PAQR8: variants seen among roughly 807,000 people sequenced by gnomAD.
The protein encoded by PAQR8 is membrane progestin receptor beta.
A neutral mutation model predicts 25.2 loss-of-function variants in PAQR8; 17 were observed. The observed-to-expected ratio is 0.67, with a 90% CI of 0.46 to 1.01. The LOEUF is 1.01. PAQR8 is among the 50% of genes least tolerant of loss of function. The pLI, the probability that PAQR8 is intolerant of heterozygous loss-of-function variation, is 0.00. For synonymous variants in PAQR8, 204 were observed against 190.6 expected (o/e 1.07, Z -0.58); for missense variants, 392 against 448.4 (o/e 0.87, Z 1.14).
chr6:52,403,730 G>T lies in PAQR8; in HGVS notation c.517G>T (p.Asp173Tyr). The T allele has an allele frequency of 1.2e-6, 2 of 1,614,240 alleles. No homozygotes were observed. The highest frequency in any genetic ancestry group is 1.7e-6 in the Non-Finnish European group (2 of 1,180,038). The change falls in exon 2 of 2, where the codon GAC (aspartate) becomes TAC (tyrosine). Residue 173 changes from aspartate to tyrosine, a missense_variant. Transcript: ENST00000442253. ...FFYSSDQAWY[D>Y]RFWLFFLPAA... ...CTACAGCTCTGACCAGGCCTGGTAT[G>T]ACCGGTTCTGGCTTTTCTTCTTGCC...
intron 1 of PAQR8, among the ~76,000 whole-genome samples, chr6:52,366,449 C>T (rs1256669367): frequency 1.3e-5 from 2 of 152,206 alleles, no homozygotes; most frequent in Non-Finnish European, 2.9e-5. Flanking sequence ...GATTTTACTA[C>T]ATGATATTTT....
At chr6:52,363,675 C>T (rs1397939569) in intron 1 of PAQR8, among the ~76,000 whole-genome samples, 1 of 152,150 alleles carries the variant, frequency 6.6e-6, no homozygotes, top group African/African-American at 2.4e-5. Flanking sequence ...AGTGAAGACT[C>T]CTGTTACTGA....
intron 1 of PAQR8, among the ~76,000 whole-genome samples, chr6:52,384,997 A>G (rs1043034149): frequency 6.6e-6 from 1 of 152,236 alleles, no homozygotes; most frequent in South Asian, 2.1e-4. Flanking sequence ...ACCTATCACC[A>G]TATACAAAAA....
chr6:52,374,487 C>T (rs1273849540), intron 1 of PAQR8, among the ~76,000 whole-genome samples: 2 of 152,114 alleles, frequency 1.3e-5, no homozygotes, highest in African/African-American at 4.8e-5. Flanking sequence ...AATCATAGCT[C>T]ACTGTGACCT....
chr6:52,383,030 C>G (rs1306999595), intron 1 of PAQR8, among the ~76,000 whole-genome samples: 1 of 152,214 alleles, frequency 6.6e-6, no homozygotes, highest in East Asian at 1.9e-4. Context: ...AAGTGATCAG[C>G]CTCCCAAAGT....
chr6:52,393,336 T>TTA (rs1763731717), intron 1 of PAQR8, among the ~76,000 whole-genome samples: 1 of 139,076 alleles, frequency 7.2e-6, no homozygotes, highest in East Asian at 2.0e-4. Context: ...TCTCTCTCTT[T>TTA]TTTTTTTTTT....
At chr6:52,366,766 T>G (rs74648165) in intron 1 of PAQR8, among the ~76,000 whole-genome samples, 1 of 152,144 alleles carries the variant, frequency 6.6e-6, no homozygotes, top group Non-Finnish European at 1.5e-5. Context: ...TCTTTTTTTT[T>G]TGAGATGAAG....
At chr6:52,364,372 GC>G (rs750780029) in intron 1 of PAQR8, among the ~76,000 whole-genome samples, 4 of 152,152 alleles carry the variant, frequency 2.6e-5, no homozygotes, top group Admixed American at 6.5e-5. Flanking sequence ...TCAGGACCTT[GC>G]ATCAAAATCT....
chr6:52,393,662 C>T (rs188793687), intron 1 of PAQR8, among the ~76,000 whole-genome samples: 39 of 152,216 alleles, frequency 2.6e-4, no homozygotes, highest in African/African-American at 7.2e-4. Context: ...TTCATTCATT[C>T]GTTCATTCAG....
intron 1 of PAQR8, among the ~76,000 whole-genome samples, chr6:52,384,517 C>T (rs1763606947): frequency 7.0e-6 from 1 of 142,874 alleles, no homozygotes; most frequent in South Asian, 2.4e-4. Flanking sequence ...AGTTGAGAGA[C>T]TAGAGGTTAT....
intron 1 of PAQR8, among the ~76,000 whole-genome samples, chr6:52,371,733 A>T (rs1211874617): frequency 2.6e-5 from 4 of 152,196 alleles, no homozygotes; most frequent in Non-Finnish European, 5.9e-5. Context: ...TTGAGCAATC[A>T]CTGTGTGCCA....
In PAQR8 at chr6:52,403,167, A is replaced by G. The variant is rs1225254046; in HGVS notation, c.-47A>G. 6.6e-7 allele frequency: 1 copy of G among 1,525,038 alleles called. No homozygotes were observed. The highest frequency in any genetic ancestry group is 2.3e-5 in the East Asian group (1 of 43,148). 94.5% of individuals were successfully genotyped at this position (1,525,038 alleles called of 1,614,324 possible). ...TTTTCCTTTCTTTTCTGCAGGTTGC[A>G]TACCCTGTCCTGAGGGCGCGGCACG... is the stretch of plus-strand genomic sequence containing the variant. On this transcript the variant is annotated 5_prime_UTR_variant, in exon 2 of 2. Coordinates refer to ENST00000442253, the MANE Select transcript of PAQR8 (RefSeq NM_133367.5).
In PAQR8 at chr6:52,387,790, A is replaced by T. The variant is rs573722336; in HGVS notation, c.-52-15372A>T. Among the ~76,000 whole-genome samples the T allele has an allele frequency of 4.6e-5, 7 of 152,336 alleles. No homozygotes were observed. In the South Asian group the frequency reaches 1.2e-3, roughly 27 times the overall value. ...GAGGTGATCAGTGGGCGAGTAAGCA[A>T]AGCTTCATCAGTATTTACAGCCGCT... is the stretch of plus-strand genomic sequence containing the variant. On this transcript the variant is annotated intron_variant, in intron 1 of 1. Transcript: ENST00000442253.
chr6:52,393,927 G>T (rs1763738844), intron 1 of PAQR8, among the ~76,000 whole-genome samples: 1 of 152,208 alleles, frequency 6.6e-6, no homozygotes, highest in African/African-American at 2.4e-5. Flanking sequence ...GTGGACATCA[G>T]TGGTGTGGGC....
chr6:52,392,175 C>A (rs986178351), intron 1 of PAQR8, among the ~76,000 whole-genome samples: 1 of 152,022 alleles, frequency 6.6e-6, no homozygotes, highest in Non-Finnish European at 1.5e-5. Context: ...AACCCCGTCT[C>A]TACTAAAATG....
chr6:52,404,355 T>C lies in PAQR8; in HGVS notation c.*77T>C. ...ACTTGATACAATAGAAGCTGACTTT[T>C]AAGGCATTGGCTTTTAAATTAATAC... On this transcript the variant is annotated 3_prime_UTR_variant, in exon 2 of 2. Coordinates refer to ENST00000442253, the MANE Select transcript of PAQR8 (RefSeq NM_133367.5). 7.7e-7 allele frequency: 1 copy of C among 1,298,260 alleles called. No individual in the cohort carries two copies. Among genetic ancestry groups the C allele is most frequent in the Non-Finnish European group, 1.0e-6 (1 of 957,548 alleles). 80.4% of individuals were successfully genotyped at this position (1,298,260 alleles called of 1,614,324 possible).
At chr6:52,363,514 C>T (rs1763315266) in intron 1 of PAQR8, among the ~76,000 whole-genome samples, 1 of 152,192 alleles carries the variant, frequency 6.6e-6, no homozygotes, top group Admixed American at 6.5e-5. Context: ...CACGTGTGTA[C>T]TACTTGTTCC....
At chr6:52,387,881 G>A (rs1020012362) in intron 1 of PAQR8, among the ~76,000 whole-genome samples, 26 of 152,210 alleles carry the variant, frequency 1.7e-4, no homozygotes, top group African/African-American at 5.8e-4. Flanking sequence ...TTTCATAGGC[G>A]TGCCAATCCT....
intron 1 of PAQR8, among the ~76,000 whole-genome samples, chr6:52,389,644 A>G (rs978981906): frequency 1.3e-5 from 2 of 152,246 alleles, no homozygotes; most frequent in African/African-American, 2.4e-5. Flanking sequence ...TATAGCAAAT[A>G]AAATTGCTGG....
Sources: gnomAD v4.1 joint callset for allele counts (sites outside exome capture counted in the v4.1 genomes callset) on GRCh38, gnomAD v4.1.1 for gene constraint, MANE v1.5 for transcripts, NCBI Gene and HGNC (gene_info 2026-07-23, HGNC 2026-07-21) for gene names.